PRELID2: variants seen among roughly 807,000 people sequenced by gnomAD.
PRELID2 encodes PRELI domain-containing protein 2.
A neutral mutation model predicts 28.4 loss-of-function variants in PRELID2; 25 were observed. The ratio of observed to expected loss-of-function variants is 0.88; its 90% CI spans 0.64 to 1.23. The LOEUF (loss-of-function observed/expected upper bound fraction) is 1.23, where lower values mean the gene tolerates loss of function less well. PRELID2 is among the 50% of genes most tolerant of loss of function. The pLI, the probability that PRELID2 is intolerant of heterozygous loss-of-function variation, is 0.00. For missense variants in PRELID2, 201 were observed against 214.4 expected (o/e 0.94, Z 0.39); for synonymous variants, 76 against 71.6 (o/e 1.06, Z -0.31).
the PRELID2 span, among the ~76,000 whole-genome samples, chr5:145,431,935 A>C: frequency 6.6e-6 from 1 of 152,220 alleles, no homozygotes; most frequent in African/African-American, 2.4e-5. Context: ...AAGAATACAA[A>C]CTAAATATCC....
At chr5:145,411,402 T>G in the PRELID2 span, among the ~76,000 whole-genome samples, 7 of 152,136 alleles carry the variant, frequency 4.6e-5, no homozygotes, top group Non-Finnish European at 4.4e-5. Context: ...GAGATTTGGG[T>G]GGGGACACAG....
intron 1 of PRELID2, among the ~76,000 whole-genome samples, chr5:145,690,635 A>C (rs1755129606): frequency 6.6e-6 from 1 of 152,190 alleles, no homozygotes; most frequent in Admixed American, 6.5e-5. Flanking sequence ...GCTGTAACTG[A>C]AGCCAAACGT....
chr5:145,301,757 T>C, the PRELID2 span, among the ~76,000 whole-genome samples: 1 of 152,292 alleles, frequency 6.6e-6, no homozygotes, highest in African/African-American at 2.4e-5. Context: ...TTAAATTTCA[T>C]TGGCATCTTT....
At chr5:145,570,057 G>T (rs759397662) in intron 1 of PRELID2, among the ~76,000 whole-genome samples, 14 of 152,202 alleles carry the variant, frequency 9.2e-5, no homozygotes, top group African/African-American at 2.9e-4. Flanking sequence ...CTGGTTGTTC[G>T]CATTGGCATC....
At chr5:145,410,926 C>A in the PRELID2 span, among the ~76,000 whole-genome samples, 1 of 151,910 alleles carries the variant, frequency 6.6e-6, no homozygotes, top group Non-Finnish European at 1.5e-5. Context: ...TCCTATGAGC[C>A]CATCAAAGCA....
chr5:145,766,440 A>G (rs925627694), intron 5 of PRELID2, among the ~76,000 whole-genome samples: 1 of 152,284 alleles, frequency 6.6e-6, no homozygotes, highest in South Asian at 2.1e-4. Flanking sequence ...ATCTAAGCCC[A>G]GGGATGGGGA....
chr5:145,434,464 A>C, the PRELID2 span, among the ~76,000 whole-genome samples: 2 of 152,320 alleles, frequency 1.3e-5, no homozygotes, highest in African/African-American at 4.8e-5. Flanking sequence ...ACACGTACAC[A>C]TGTACAGAGA....
chr5:145,229,907 G>A, the PRELID2 span: 1 of 749,350 alleles, frequency 1.3e-6, no homozygotes, highest in Non-Finnish European at 2.5e-6. Flanking sequence ...TTGGCTGGGA[G>A]TCCCCACTGT....
At chr5:145,511,800 T>C (rs1752463382) in intron 1 of PRELID2, among the ~76,000 whole-genome samples, 1 of 152,158 alleles carries the variant, frequency 6.6e-6, no homozygotes, top group South Asian at 2.1e-4. Flanking sequence ...TGGTCAGAAA[T>C]AAATCACATG....
the PRELID2 span, among the ~76,000 whole-genome samples, chr5:145,278,949 C>A: frequency 6.6e-6 from 1 of 152,108 alleles, no homozygotes; most frequent in African/African-American, 2.4e-5. Flanking sequence ...ATGAGTGGCC[C>A]TGTTCTCTCT....
chr5:145,743,918 C>T (rs1168719302), intron 1 of PRELID2, among the ~76,000 whole-genome samples: 3 of 152,244 alleles, frequency 2.0e-5, no homozygotes, highest in Non-Finnish European at 2.9e-5. Flanking sequence ...CTGCCTAACA[C>T]GCTAAGCTCC....
chr5:145,710,917 GC>G (rs1318438342), intron 1 of PRELID2, among the ~76,000 whole-genome samples: 1 of 152,186 alleles, frequency 6.6e-6, no homozygotes, highest in East Asian at 1.9e-4. Flanking sequence ...TATTCAGGTG[GC>G]CATGCATTCA....
chr5:145,255,528 C>T, the PRELID2 span, among the ~76,000 whole-genome samples: 199 of 151,812 alleles, frequency 1.3e-3, 1 homozygote, highest in Non-Finnish European at 1.9e-3. Flanking sequence ...AATCCCAATG[C>T]TTTGGGAGGC....
At chr5:145,261,093 T>A in the PRELID2 span, among the ~76,000 whole-genome samples, 2 of 152,090 alleles carry the variant, frequency 1.3e-5, no homozygotes, top group Non-Finnish European at 2.9e-5. Context: ...GAGGCAGCTA[T>A]AATCCACCCA....
the PRELID2 span, among the ~76,000 whole-genome samples, chr5:145,391,455 T>C: frequency 6.6e-6 from 1 of 152,194 alleles, no homozygotes; most frequent in Non-Finnish European, 1.5e-5. Context: ...GAGAGGCCCG[T>C]GGCCTGGCCA....
the PRELID2 span, among the ~76,000 whole-genome samples, chr5:145,430,313 C>T: frequency 5.9e-5 from 9 of 152,166 alleles, no homozygotes; most frequent in Non-Finnish European, 8.8e-5. Context: ...TAAAACTATG[C>T]TGCTGTAACA....
chr5:145,577,509 G>A (rs1422858020), intron 1 of PRELID2, among the ~76,000 whole-genome samples: 1 of 151,496 alleles, frequency 6.6e-6, no homozygotes, highest in East Asian at 1.9e-4. Flanking sequence ...TCTGGCAGAA[G>A]AAAAAAATCT....
At chr5:145,458,904 C>T in the PRELID2 span, among the ~76,000 whole-genome samples, 1 of 152,016 alleles carries the variant, frequency 6.6e-6, no homozygotes, top group African/African-American at 2.4e-5. Context: ...GTAATGGGGT[C>T]AGCTTAGAAA....
chr5:145,724,640 T>C (rs1365761072), intron 1 of PRELID2, among the ~76,000 whole-genome samples: 2 of 121,618 alleles, frequency 1.6e-5, no homozygotes, highest in African/African-American at 6.0e-5. Context: ...TATATATATA[T>C]ATATATAATG....
Sources: allele counts gnomAD v4.1 joint callset (sites outside exome capture counted in the v4.1 genomes callset), GRCh38; gene constraint gnomAD v4.1.1; transcripts MANE v1.5; gene names NCBI Gene and HGNC (gene_info 2026-07-23, HGNC 2026-07-21).